Variants in ST8SIA1 observed in about 807,000 individuals in gnomAD.
ST8SIA1 encodes alpha-N-acetylneuraminide alpha-2,8-sialyltransferase.
Under a neutral mutation model 35.9 loss-of-function variants are expected in ST8SIA1, and 16 were observed. The ratio of observed to expected loss-of-function variants is 0.45; its 90% CI spans 0.30 to 0.68. The LOEUF (loss-of-function observed/expected upper bound fraction) is 0.68, where lower values mean the gene tolerates loss of function less well. ST8SIA1 is among the 30% of genes least tolerant of loss of function. ST8SIA1 has a pLI of 0.09. For missense variants in ST8SIA1, 383 were observed against 453.6 expected, an observed-to-expected ratio of 0.84 and a Z score of 1.41; for synonymous variants, 170 against 169.6, an observed-to-expected ratio of 1.00 and a Z score of -0.02.
At chr12:22,249,453 C>T (rs1285066877) in intron 3 of ST8SIA1, among the ~76,000 whole-genome samples, 1 of 152,000 alleles carries the variant, frequency 6.6e-6, no homozygotes, top group Non-Finnish European at 1.5e-5. Flanking sequence ...ATCTCCTGAC[C>T]TTGTGATCTG....
intron 1 of ST8SIA1, among the ~76,000 whole-genome samples, chr12:22,307,595 A>G (rs1866401293): frequency 6.6e-6 from 1 of 152,176 alleles, no homozygotes; most frequent in Admixed American, 6.5e-5. Flanking sequence ...TAGTGACATC[A>G]GCACTGAATT....
In ST8SIA1 at chr12:22,256,087, G is replaced by A. The variant is rs529230333; in HGVS notation, c.382-698C>T. On this transcript the variant is annotated intron_variant, in intron 2 of 4. Transcript: ENST00000396037. Reference sequence around the variant, plus strand: ...ACTTGGGATGAACCTTAAAGAATACGTATGATTCCTCCAGGCACAGAAAGC... The same window carrying A: ...ACTTGGGATGAACCTTAAAGAATACATATGATTCCTCCAGGCACAGAAAGC... 1.4e-4 allele frequency among the ~76,000 whole-genome samples: 21 copies of A among 152,276 alleles called. No homozygotes were observed. In the South Asian group the frequency reaches 2.3e-3, roughly 17 times the overall value.
chr12:22,267,632 C>T (rs1244844296), intron 2 of ST8SIA1, among the ~76,000 whole-genome samples: 4 of 152,182 alleles, frequency 2.6e-5, no homozygotes, highest in Non-Finnish European at 4.4e-5. Flanking sequence ...TTCACACATT[C>T]CTACCTTTAC....
chr12:22,257,044 T>C (rs994850862), intron 2 of ST8SIA1, among the ~76,000 whole-genome samples: 2 of 152,168 alleles, frequency 1.3e-5, no homozygotes, highest in Non-Finnish European at 2.9e-5. Context: ...AGGACATAAG[T>C]AAAAATTTCT....
chr12:22,320,951 AAGAAAG>A (rs1283348476), intron 1 of ST8SIA1, among the ~76,000 whole-genome samples: 6 of 79,206 alleles, frequency 7.6e-5, no homozygotes, highest in Admixed American at 6.4e-4. Flanking sequence ...GAAAGAAAGA[AAGAAAG>A]AGAAAGAAAG....
chr12:22,223,371 G>T, intron 4 of ST8SIA1: 1 of 227,062 alleles, frequency 4.4e-6, no homozygotes, highest in Non-Finnish European at 7.4e-6. Context: ...TGTGGTGCAT[G>T]TATGGACTGG....
At chr12:22,267,491 TCTTA>T (rs1329468920) in intron 2 of ST8SIA1, among the ~76,000 whole-genome samples, 1 of 152,196 alleles carries the variant, frequency 6.6e-6, no homozygotes, top group Admixed American at 6.5e-5. Context: ...TGCCATCCTT[TCTTA>T]CTGATAAAAA....
At chr12:22,285,166 G>A (rs1309066843) in intron 2 of ST8SIA1, among the ~76,000 whole-genome samples, 1 of 152,222 alleles carries the variant, frequency 6.6e-6, no homozygotes, top group Non-Finnish European at 1.5e-5. Context: ...TGTTCTGGAT[G>A]CAAATCATTT....
Position 22,334,066 on chromosome 12 carries a change from T to C in ST8SIA1, c.167A>G (p.Glu56Gly), listed in dbSNP as rs1394689047. ...CTGTTGCAGCACCCCCTGCACGATC[T>C]CTTTCTCGTTGGGCAGCCGGTAGAC... ...FPVYRLPNEKEIVQGVLQQGT... is the reference protein window; with the variant it reads ...FPVYRLPNEKGIVQGVLQQGT... The change falls in exon 1 of 5, where the codon GAG (glutamate) becomes GGG (glycine). Residue 56 changes from glutamate to glycine, a missense_variant. Coordinates refer to ENST00000396037, the MANE Select transcript of ST8SIA1 (RefSeq NM_003034.4). 5.0e-6 allele frequency: 8 copies of C among 1,613,940 alleles called. No homozygotes were observed. Among genetic ancestry groups the C allele is most frequent in the Non-Finnish European group, 6.8e-6 (8 of 1,179,990 alleles).
At chr12:22,215,928 A>C (rs1400376102) in intron 4 of ST8SIA1, among the ~76,000 whole-genome samples, 1 of 152,220 alleles carries the variant, frequency 6.6e-6, no homozygotes. Flanking sequence ...CAAGGACTCT[A>C]TAGCCCTAAG....
intron 4 of ST8SIA1, among the ~76,000 whole-genome samples, chr12:22,235,998 A>C (rs1434583240): frequency 6.6e-6 from 1 of 152,194 alleles, no homozygotes; most frequent in Non-Finnish European, 1.5e-5. Flanking sequence ...CATAGAACTT[A>C]AGAGAGAATT....
chr12:22,218,324 A>T (rs558761299), intron 4 of ST8SIA1, among the ~76,000 whole-genome samples: 58 of 149,510 alleles, frequency 3.9e-4, no homozygotes, highest in Non-Finnish European at 7.9e-4. Context: ...ACTCTCTCAA[A>T]AAAATAAAAT....
intron 4 of ST8SIA1, among the ~76,000 whole-genome samples, chr12:22,203,393 T>C (rs572868267): frequency 6.6e-6 from 1 of 152,270 alleles, no homozygotes; most frequent in Admixed American, 6.5e-5. Flanking sequence ...GGCAGGCTCA[T>C]CATAATTATG....
At chr12:22,296,062 G>T (rs1017474425) in intron 1 of ST8SIA1, among the ~76,000 whole-genome samples, 1 of 152,114 alleles carries the variant, frequency 6.6e-6, no homozygotes, top group Non-Finnish European at 1.5e-5. Flanking sequence ...GTTTTGGGGG[G>T]CATAATCTGC....
intron 4 of ST8SIA1, among the ~76,000 whole-genome samples, chr12:22,244,197 TC>T (rs1865572763): frequency 6.6e-6 from 1 of 152,140 alleles, no homozygotes; most frequent in African/African-American, 2.4e-5. Context: ...CTTAGCATAC[TC>T]TTTTCTTATG....
intron 4 of ST8SIA1, among the ~76,000 whole-genome samples, chr12:22,205,987 A>T (rs904868883): frequency 6.6e-6 from 1 of 152,172 alleles, no homozygotes; most frequent in Non-Finnish European, 1.5e-5. Context: ...ATATATGGAT[A>T]CATTGATATG....
intron 4 of ST8SIA1, among the ~76,000 whole-genome samples, chr12:22,225,179 A>G (rs10841982): frequency 0.64 from 96,645 of 152,100 alleles, 31,051 homozygotes; most frequent in South Asian, 0.82. Context: ...TCTAGCCTCC[A>G]AAATTCTGAG....
Position 22,200,131 on chromosome 12 carries a change from C to G in ST8SIA1, c.*1421G>C, listed in dbSNP as rs545841457. The G allele has an allele frequency of 6.6e-6, 1 of 152,364 alleles. No homozygotes were observed. Among genetic ancestry groups the G allele is most frequent in the Non-Finnish European group, 1.5e-5 (1 of 68,044 alleles). 9.4% of individuals were successfully genotyped at this position (152,364 alleles called of 1,614,324 possible). On this transcript the variant is annotated 3_prime_UTR_variant, in exon 5 of 5. Coordinates refer to ENST00000396037, the MANE Select transcript of ST8SIA1 (RefSeq NM_003034.4). ...CTATACCTTGTGTGACCACGCTCAA[C>G]AGCAAGCCCATTCATGAGATTTTGG...
At chr12:22,324,517 A>G (rs921455807) in intron 1 of ST8SIA1, 4 of 152,216 alleles carry the variant, frequency 2.6e-5, no homozygotes, top group African/African-American at 9.6e-5. Context: ...TGTAGACTGC[A>G]TATACTATTA....
Sources: allele counts gnomAD v4.1 joint callset (sites outside exome capture counted in the v4.1 genomes callset), GRCh38; gene constraint gnomAD v4.1.1; transcripts MANE v1.5; gene names NCBI Gene and HGNC (gene_info 2026-07-23, HGNC 2026-07-21).